The following THSD7B variants were observed in gnomAD, a reference collection of about 807,000 sequenced individuals.
THSD7B encodes thrombospondin type-1 domain-containing protein 7B.
A neutral mutation model predicts 213.6 loss-of-function variants in THSD7B; 138 were observed. That is an observed-to-expected ratio of 0.65 (90% CI 0.56 to 0.74). The LOEUF (loss-of-function observed/expected upper bound fraction) is 0.74, where lower values mean the gene tolerates loss of function less well. THSD7B is among the 30% of genes least tolerant of loss of function. The probability of loss-of-function intolerance (pLI) is 0.00; values close to 1 mark genes in which losing one functional copy is unlikely to be tolerated. For missense variants in THSD7B, 1,931 were observed against 1,991.5 expected (o/e 0.97, Z 0.58); for synonymous variants, 742 against 687.0 (o/e 1.08, Z -1.25).
intron 12 of THSD7B, among the ~76,000 whole-genome samples, chr2:137,294,959 T>C (rs997309678): frequency 6.6e-6 from 1 of 152,164 alleles, no homozygotes; most frequent in South Asian, 2.1e-4. Context: ...ATTTTTTCCT[T>C]ATGAAACATT....
intron 4 of THSD7B, among the ~76,000 whole-genome samples, chr2:137,106,615 A>G (rs1282985489): frequency 1.3e-5 from 2 of 152,250 alleles, no homozygotes; most frequent in South Asian, 2.1e-4. Context: ...GGAAACCTAC[A>G]GAATGGGAGA....
chr2:136,980,857 T>G (rs1483906375), intron 2 of THSD7B, among the ~76,000 whole-genome samples: 34 of 152,204 alleles, frequency 2.2e-4, no homozygotes, highest in Admixed American at 2.2e-3. Context: ...CTCTCTTGGC[T>G]GGGGATGGGA....
chr2:137,566,642 C>T (rs1169672483), intron 16 of THSD7B, among the ~76,000 whole-genome samples: 3 of 152,076 alleles, frequency 2.0e-5, no homozygotes, highest in East Asian at 3.9e-4. Context: ...GCATGCCCAT[C>T]GGGTTTCATA....
intron 2 of THSD7B, among the ~76,000 whole-genome samples, chr2:136,931,606 C>G (rs1684628260): frequency 6.6e-6 from 1 of 152,088 alleles, no homozygotes; most frequent in Non-Finnish European, 1.5e-5. Flanking sequence ...CTTTTTGCTC[C>G]CCATGTCCCT....
chr2:137,491,915 A>T (rs1171119245), intron 15 of THSD7B, among the ~76,000 whole-genome samples: 3 of 152,150 alleles, frequency 2.0e-5, no homozygotes, highest in East Asian at 3.8e-4. Flanking sequence ...TTCTGATTTT[A>T]TTAAACCATC....
At position 137,485,754 on chromosome 2, in the gene THSD7B, G is replaced by A. The variant is rs543594043; in HGVS notation, c.3138+34731G>A. On this transcript the variant is annotated intron_variant, in intron 15 of 27. Coordinates refer to ENST00000409968, the MANE Select transcript of THSD7B (RefSeq NM_001316349.2). ...TAAGGGCAGCCAGGGAGAAAGATCG[G>A]GTTACCCACAAAGGGAAGCCCATCA... 2.8e-4 allele frequency among the ~76,000 whole-genome samples: 42 copies of A among 152,250 alleles called. 1 individual carries two copies. The East Asian group carries it at 4.8e-3, about 17-fold the overall frequency.
rs145025383 is a variant in THSD7B, at chr2:136,962,323, C to T, written c.139+80006C>T. Reference sequence around the variant, plus strand: ...ACCTTCAAAACTGTAAGATAATAAGCTTGTGTCAAGTTGCTACATTCGTGG... The same window carrying T: ...ACCTTCAAAACTGTAAGATAATAAGTTTGTGTCAAGTTGCTACATTCGTGG... On this transcript the variant is annotated intron_variant, in intron 2 of 27. Transcript: ENST00000409968. Among the ~76,000 whole-genome samples the T allele has an allele frequency of 7.5e-3, 1,114 of 149,024 alleles. 13 individuals are homozygous for T. The highest frequency in any genetic ancestry group is 0.026 in the African/African-American group (1,065 of 40,794).
At chr2:137,472,369 T>G (rs1410748562) in intron 15 of THSD7B, among the ~76,000 whole-genome samples, 1 of 152,190 alleles carries the variant, frequency 6.6e-6, no homozygotes, top group Non-Finnish European at 1.5e-5. Context: ...ATAGCTTCTA[T>G]CCATCTATAT....
chr2:137,333,879 G>C (rs1037263710), intron 12 of THSD7B, among the ~76,000 whole-genome samples: 3 of 152,168 alleles, frequency 2.0e-5, no homozygotes, highest in African/African-American at 7.2e-5. Context: ...CAGCAAAGAG[G>C]AGGTTGAGTG....
chr2:137,375,980 G>A (rs951681262), intron 12 of THSD7B, among the ~76,000 whole-genome samples: 1 of 152,178 alleles, frequency 6.6e-6, no homozygotes, highest in African/African-American at 2.4e-5. Context: ...CTTAGAAGAT[G>A]TTTTAAATAG....
At chr2:137,258,560 T>C (rs1682361879) in intron 10 of THSD7B, among the ~76,000 whole-genome samples, 1 of 152,094 alleles carries the variant, frequency 6.6e-6, no homozygotes, top group Non-Finnish European at 1.5e-5. Flanking sequence ...ATTGAAGATT[T>C]TGAAATTTAA....
At chr2:137,442,387 GC>G (rs1243796879) in intron 14 of THSD7B, among the ~76,000 whole-genome samples, 1 of 151,652 alleles carries the variant, frequency 6.6e-6, no homozygotes, top group African/African-American at 2.4e-5. Context: ...GCTTTGTTGT[GC>G]CAAGCTTGAT....
At chr2:136,998,916 ACACACACACACACACACACAC>A (rs1685948925) in intron 2 of THSD7B, among the ~76,000 whole-genome samples, 2 of 85,702 alleles carry the variant, frequency 2.3e-5, no homozygotes, top group Non-Finnish European at 5.5e-5. Flanking sequence ...ACAGACACAC[ACACACACACACACACACACAC>A]ACACACACAC....
intron 15 of THSD7B, among the ~76,000 whole-genome samples, chr2:137,501,168 C>T (rs900567212): frequency 2.0e-5 from 3 of 152,108 alleles, no homozygotes; most frequent in African/African-American, 7.2e-5. Flanking sequence ...TAAAACTAAA[C>T]ATTCACTGCA....
intron 2 of THSD7B, among the ~76,000 whole-genome samples, chr2:137,018,033 A>G (rs538632442): frequency 6.7e-6 from 1 of 149,004 alleles, no homozygotes; most frequent in South Asian, 2.1e-4. Flanking sequence ...CTCTTTTATG[A>G]GTGAAAAACT....
At chr2:136,864,149 T>C (rs1310540260) in intron 1 of THSD7B, among the ~76,000 whole-genome samples, 1 of 152,192 alleles carries the variant, frequency 6.6e-6, no homozygotes, top group Non-Finnish European at 1.5e-5. Context: ...CACTGACAAA[T>C]TGCCAAAATC....
Position 137,393,185 on chromosome 2 carries a change from GT to G in THSD7B, c.2501-12424del, listed in dbSNP as rs1168918692. On this transcript the variant is annotated intron_variant, in intron 12 of 27. Coordinates refer to ENST00000409968, the MANE Select transcript of THSD7B (RefSeq NM_001316349.2). ...ATTTTTTTTTTTTATTATACTTTAA[GT>G]TTTAGGGTACATGTGCACATTGTGC... Among the ~76,000 whole-genome samples, 31 of 135,716 alleles carry G rather than the reference GT, an allele frequency of 2.3e-4. No individual in the cohort carries two copies. In the East Asian group the frequency reaches 5.5e-3, roughly 24 times the overall value. 89.0% of individuals were successfully genotyped at this position (135,716 alleles called of 152,430 possible). A position where few individuals can be genotyped will look rare whatever the true frequency, so the allele number is the denominator to read the frequency against.
chr2:137,462,901 T>C (rs1259478901), intron 15 of THSD7B, among the ~76,000 whole-genome samples: 3 of 151,990 alleles, frequency 2.0e-5, no homozygotes, highest in Admixed American at 2.0e-4. Flanking sequence ...AGAAAAAAAT[T>C]GTATGCTGAG....
chr2:136,974,231 T>C (rs1010258473), intron 2 of THSD7B, among the ~76,000 whole-genome samples: 7 of 152,230 alleles, frequency 4.6e-5, no homozygotes, highest in African/African-American at 1.7e-4. Flanking sequence ...AGGGTACATG[T>C]GCATGTTTGT....
Sources: allele counts gnomAD v4.1 joint callset (sites outside exome capture counted in the v4.1 genomes callset), GRCh38; gene constraint gnomAD v4.1.1; transcripts MANE v1.5; gene names NCBI Gene and HGNC (gene_info 2026-07-23, HGNC 2026-07-21).